ZNF329: variants seen among roughly 807,000 people sequenced by gnomAD.
ZNF329 encodes the protein zinc finger protein 329.
ZNF329 carries 15 observed loss-of-function variants against 26.6 expected under a neutral mutation model. The observed-to-expected ratio is 0.56, with a 90% CI of 0.38 to 0.87. The LOEUF (loss-of-function observed/expected upper bound fraction) is 0.87. ZNF329 is among the 40% of genes least tolerant of loss of function. ZNF329 has a pLI of 0.00. For synonymous variants in ZNF329, 239 were observed against 233.5 expected, an observed-to-expected ratio of 1.02 and a Z score of -0.21; for missense variants, 651 against 651.9, an observed-to-expected ratio of 1.00 and a Z score of 0.02.
At chr19:58,147,354 G>A (rs1478530438) in intron 1 of ZNF329, among the ~76,000 whole-genome samples, 1 of 150,744 alleles carries the variant, frequency 6.6e-6, no homozygotes, top group Non-Finnish European at 1.5e-5. Context: ...CCTCCGCCCG[G>A]CAGCCACCCC....
upstream of ZNF329, among the ~76,000 whole-genome samples, chr19:58,153,650 C>T (rs150561732): frequency 1.3e-5 from 2 of 152,172 alleles, no homozygotes; most frequent in Non-Finnish European, 2.9e-5. Flanking sequence ...TCTGTTTGTT[C>T]TTGGGGTAGG....
upstream of ZNF329, among the ~76,000 whole-genome samples, chr19:58,152,473 A>C (rs2075474311): frequency 6.6e-6 from 1 of 152,130 alleles, no homozygotes; most frequent in Non-Finnish European, 1.5e-5. Context: ...AAGTATAGCA[A>C]TTCCAATTCA....
At chr19:58,147,652 AG>A (rs2075354067) in intron 1 of ZNF329, among the ~76,000 whole-genome samples, 1 of 140,658 alleles carries the variant, frequency 7.1e-6, no homozygotes, top group Admixed American at 6.9e-5. Flanking sequence ...GTGGGGGGCC[AG>A]CCCCCCGCCC....
At chr19:58,129,542 T>C in intron 3 of ZNF329, 31 bp from the exon 4 acceptor site, 1 of 1,523,876 alleles carries the variant, frequency 6.6e-7, no homozygotes. Context: ...CAGACTTAGG[T>C]ATATGAAGCT....
intron 1 of ZNF329, among the ~76,000 whole-genome samples, chr19:58,143,865 G>A (rs537596034): frequency 9.9e-4 from 150 of 152,134 alleles, no homozygotes; most frequent in African/African-American, 3.0e-3. Flanking sequence ...TGGATCACCC[G>A]AGGTCAGGAG....
At chr19:58,154,167 C>T (rs1305405199), upstream of ZNF329, among the ~76,000 whole-genome samples, 1 of 152,116 alleles carries the variant, frequency 6.6e-6, no homozygotes, top group Non-Finnish European at 1.5e-5. Flanking sequence ...TGCCACCACG[C>T]GCGGCTAATT....
chr19:58,134,831 G>A (rs1353198123), intron 3 of ZNF329, among the ~76,000 whole-genome samples: 1 of 152,146 alleles, frequency 6.6e-6, no homozygotes, highest in African/African-American at 2.4e-5. Context: ...GCTACTCCAG[G>A]AGGCTGAAGC....
At chr19:58,130,590 C>T (rs965454731) in intron 3 of ZNF329, among the ~76,000 whole-genome samples, 7 of 149,318 alleles carry the variant, frequency 4.7e-5, no homozygotes, top group East Asian at 2.0e-4. Flanking sequence ...AGGAGAATGG[C>T]GCGAACCCGG....
chr19:58,130,430 T>G (rs2074911615), intron 3 of ZNF329, among the ~76,000 whole-genome samples: 2 of 151,932 alleles, frequency 1.3e-5, no homozygotes, highest in African/African-American at 4.8e-5. Context: ...CCCAGCACTT[T>G]GGGAGGCCGA....
chr19:58,150,092 A>G (rs1232938129), intron 1 of ZNF329, among the ~76,000 whole-genome samples: 1 of 152,210 alleles, frequency 6.6e-6, no homozygotes, highest in Non-Finnish European at 1.5e-5. Flanking sequence ...TTTATGTCAT[A>G]AAATATTGAG....
intron 1 of ZNF329, among the ~76,000 whole-genome samples, chr19:58,146,645 T>A (rs1213402187): frequency 2.0e-5 from 3 of 148,702 alleles, no homozygotes; most frequent in Non-Finnish European, 3.0e-5. Context: ...CACTGCAACC[T>A]CCCTGCCTGA....
At chr19:58,144,850 CTTTTTT>C (rs71188086) in intron 1 of ZNF329, among the ~76,000 whole-genome samples, 35 of 120,334 alleles carry the variant, frequency 2.9e-4, no homozygotes, top group African/African-American at 9.9e-4. Context: ...AATTTTTTTT[CTTTTTT>C]TTTTTTTTTT....
chr19:58,129,519 A>G lies in ZNF329; in HGVS notation c.-8-8T>C, dbSNP rs2074889971. ...TCAATCTCATATCCCAAACTGCAAA[A>G]AGAAGAAAAATGCAGACTTAGGTAT... is the stretch of plus-strand genomic sequence containing the variant. On this transcript the variant is annotated splice_region_variant and splice_polypyrimidine_tract_variant and intron_variant, in intron 3 of 3. Coordinates refer to ENST00000598312, the MANE Select transcript of ZNF329 (RefSeq NM_024620.4). The G allele has an allele frequency of 5.1e-6, 8 of 1,564,550 alleles. No individual in the cohort carries two copies. Among genetic ancestry groups the G allele is most frequent in the South Asian group, 1.2e-5 (1 of 83,598 alleles).
At chr19:58,151,225 A>G (rs772536982), upstream of ZNF329, among the ~76,000 whole-genome samples, 39 of 152,326 alleles carry the variant, frequency 2.6e-4, no homozygotes, top group Non-Finnish European at 4.7e-4. Flanking sequence ...TAGTAACAAT[A>G]GCCGGTTGAA....
chr19:58,134,348 G>A (rs181487540), intron 3 of ZNF329, among the ~76,000 whole-genome samples: 3 of 152,102 alleles, frequency 2.0e-5, no homozygotes, highest in African/African-American at 7.2e-5. Context: ...CCAGAAAGCT[G>A]GTAAGGGGTA....
chr19:58,130,090 C>T (rs159673), intron 3 of ZNF329, among the ~76,000 whole-genome samples: 112,511 of 152,022 alleles, frequency 0.74, 42,731 homozygotes, highest in Non-Finnish European at 0.84. Flanking sequence ...GAAGTGGAGG[C>T]AGGTGGATCA....
chr19:58,145,855 G>A (rs1194192029), intron 1 of ZNF329, among the ~76,000 whole-genome samples: 2 of 151,588 alleles, frequency 1.3e-5, no homozygotes, highest in Non-Finnish European at 2.9e-5. Flanking sequence ...TTCCTGACAC[G>A]ACACACCAAG....
chr19:58,133,736 C>T (rs189755212), intron 3 of ZNF329, among the ~76,000 whole-genome samples: 54 of 151,904 alleles, frequency 3.6e-4, no homozygotes, highest in African/African-American at 1.2e-3. Flanking sequence ...TGGTGACTCA[C>T]ACCTGTAATC....
In ZNF329 at chr19:58,128,597, T is replaced by C. The variant is rs2074857517; in HGVS notation, c.907A>G (p.Ile303Val). 2 of 1,612,172 alleles carry C rather than the reference T, an allele frequency of 1.2e-6. No individual in the cohort carries two copies. Residue 303 changes from isoleucine (I) to valine (V), a missense_variant, in exon 4 of 4, where the codon ATT (isoleucine) becomes GTT (valine). By Grantham distance (29) the Ile-to-Val change is conservative (BLOSUM62 3). Coordinates refer to ENST00000598312, the MANE Select transcript of ZNF329 (RefSeq NM_024620.4). ...CCTGTATGAGTTCTTTGGTGCAAAA[T>C]TAAGGATGAATTTCGGTTGAAGGTT... is the stretch of plus-strand genomic sequence containing the variant. ...GKTFNRNSSL[I>V]LHQRTHTGEK...
Sources: allele counts gnomAD v4.1 joint callset (sites outside exome capture counted in the v4.1 genomes callset), GRCh38; gene constraint gnomAD v4.1.1; transcripts MANE v1.5; gene names NCBI Gene and HGNC (gene_info 2026-07-23, HGNC 2026-07-21).